DOCK4: variants seen among roughly 807,000 people sequenced by gnomAD.
The protein encoded by DOCK4 is dedicator of cytokinesis protein 4.
In DOCK4, 97 loss-of-function variants were observed where a neutral mutation model predicts 268.1. The ratio of observed to expected loss-of-function variants is 0.36; its 90% CI spans 0.31 to 0.43. The LOEUF is 0.43. Among genes scored for constraint, DOCK4 ranks in the 20% least tolerant of loss-of-function variants. DOCK4 has a pLI of 1.00. For missense variants in DOCK4, 2,145 were observed against 2,455.7 expected (o/e 0.87, Z 2.67); for synonymous variants, 954 against 887.2 (o/e 1.08, Z -1.34).
intron 1 of DOCK4, among the ~76,000 whole-genome samples, chr7:112,048,806 C>T (rs559521892): frequency 6.6e-6 from 1 of 151,540 alleles, no homozygotes; most frequent in African/African-American, 2.4e-5. Context: ...CCAGGATACA[C>T]GTGCAGGACA....
chr7:111,920,272 G>A (rs1182125592), intron 12 of DOCK4, among the ~76,000 whole-genome samples: 1 of 152,210 alleles, frequency 6.6e-6, no homozygotes, highest in East Asian at 1.9e-4. Flanking sequence ...CTTAAAAATC[G>A]CTAAGAGAGT....
chr7:111,767,193 A>C, intron 37 of DOCK4, 75 bp from the exon 38 acceptor site: 1 of 1,041,172 alleles, frequency 9.6e-7, no homozygotes, highest in South Asian at 1.3e-5. Context: ...TCAGAACATG[A>C]GTGCTTTCAG....
intron 6 of DOCK4, among the ~76,000 whole-genome samples, chr7:111,987,682 C>T (rs573100560): frequency 6.9e-4 from 105 of 152,266 alleles, no homozygotes; most frequent in Non-Finnish European, 1.4e-3. Flanking sequence ...GAGCTGAAAG[C>T]GCCCTTGTGC....
intron 52 of DOCK4, among the ~76,000 whole-genome samples, chr7:111,731,228 C>T (rs1033003071): frequency 6.6e-6 from 1 of 152,206 alleles, no homozygotes. Context: ...GGGAATCACA[C>T]TTCTTTCAAT....
intron 4 of DOCK4, 122 bp downstream of exon 4, chr7:111,998,326 C>T (rs1430717052): frequency 1.3e-6 from 1 of 767,572 alleles, no homozygotes; most frequent in East Asian, 2.9e-5. Flanking sequence ...TAACAAAGAA[C>T]ACAGACAATG....
chr7:111,949,350 T>C (rs1425769487), intron 8 of DOCK4, among the ~76,000 whole-genome samples: 1 of 152,204 alleles, frequency 6.6e-6, no homozygotes, highest in African/African-American at 2.4e-5. Context: ...TCTGTACATT[T>C]CATCAAAATT....
intron 40 of DOCK4, among the ~76,000 whole-genome samples, chr7:111,759,665 A>G (rs1797254748): frequency 6.6e-6 from 1 of 151,952 alleles, no homozygotes; most frequent in Non-Finnish European, 1.5e-5. Context: ...TGTTTAGACA[A>G]TAAGAGCATG....
intron 15 of DOCK4, among the ~76,000 whole-genome samples, chr7:111,899,417 T>C (rs1364714903): frequency 6.6e-6 from 1 of 152,124 alleles, no homozygotes; most frequent in Admixed American, 6.5e-5. Flanking sequence ...CTGGTCACAA[T>C]GTACACTGGC....
In DOCK4 at chr7:111,739,442, G is replaced by C; in HGVS notation, c.5076C>G (p.His1692Gln). Residue 1692 changes from histidine to glutamine, a missense_variant, in exon 48 of 53, where the codon CAC (histidine) becomes CAG (glutamine). Physicochemically the swap from His to Gln is conservative, Grantham distance 24. Around this residue, in one of 2 missense-constraint regions of DOCK4, gnomAD observed 547 missense variants for 469.0 expected, o/e 1.17. Transcript: ENST00000428084. ...SPSTSSLSST[H>Q]SASPNVTSSA... ...AACTTGTCACATTAGGTGAAGCCGA[G>C]TGAGTAGAACTCAAGCTTGAGGTAG... The C allele has an allele frequency of 6.3e-7, 1 of 1,576,106 alleles. No individual in the cohort carries two copies. The highest frequency in any genetic ancestry group is 1.9e-5 in the Admixed American group (1 of 53,878).
At chr7:111,809,110 G>C (rs114896563) in intron 29 of DOCK4, among the ~76,000 whole-genome samples, 191 bp downstream of exon 29, 1 of 152,148 alleles carries the variant, frequency 6.6e-6, no homozygotes, top group Non-Finnish European at 1.5e-5. Flanking sequence ...AATCCTGAAA[G>C]AGCCAGGTCA....
At chr7:112,006,925 T>C (rs928095410) in intron 1 of DOCK4, among the ~76,000 whole-genome samples, 1 of 152,228 alleles carries the variant, frequency 6.6e-6, no homozygotes, top group African/African-American at 2.4e-5. Flanking sequence ...TGCCCTATGC[T>C]CAGCCACACA....
intron 30 of DOCK4, among the ~76,000 whole-genome samples, chr7:111,794,392 G>A (rs367802247): frequency 3.9e-5 from 6 of 152,214 alleles, no homozygotes; most frequent in South Asian, 4.2e-4. Flanking sequence ...TGATAAACAG[G>A]GTGAATGAAA....
chr7:112,035,013 G>T (rs1803626351), intron 1 of DOCK4, among the ~76,000 whole-genome samples: 1 of 152,160 alleles, frequency 6.6e-6, no homozygotes, highest in African/African-American at 2.4e-5. Flanking sequence ...GACTTTGCAT[G>T]CTTCATCTAG....
In DOCK4 at chr7:111,984,335, C is replaced by T. The variant is rs768787995; in HGVS notation, c.520G>A (p.Asp174Asn). Residue 174 changes from aspartate (D) to asparagine (N), a missense_variant, in exon 7 of 53, where the codon GAC becomes AAC. Coordinates refer to ENST00000428084, the MANE Select transcript of DOCK4 (RefSeq NM_001363540.2). Reference protein sequence around the residue: ...RKEYAMVDPEDISITELYRLM... With the variant: ...RKEYAMVDPENISITELYRLM... ...CGGTAGAGCTCAGTAATGCTGATGT[C>T]TTCCGGATCCACCATTGCGTACTCT... 6.2e-7 allele frequency: 1 copy of T among 1,613,270 alleles called. No homozygotes were observed. The highest frequency in any genetic ancestry group is 1.1e-5 in the South Asian group (1 of 90,860).
At chr7:112,123,120 G>A (rs78255473) in intron 1 of DOCK4, among the ~76,000 whole-genome samples, 17 of 152,360 alleles carry the variant, frequency 1.1e-4, no homozygotes, top group African/African-American at 2.4e-4. Flanking sequence ...AAGGGATTGC[G>A]AGGGAGAATG....
At chr7:111,876,153 C>T (rs1262738730) in intron 17 of DOCK4, among the ~76,000 whole-genome samples, 1 of 152,124 alleles carries the variant, frequency 6.6e-6, no homozygotes, top group Non-Finnish European at 1.5e-5. Flanking sequence ...AAATTAACTA[C>T]TGAATGCTGA....
intron 4 of DOCK4, among the ~76,000 whole-genome samples, chr7:111,996,697 G>A (rs1799987480): frequency 1.3e-5 from 2 of 152,116 alleles, no homozygotes; most frequent in South Asian, 4.1e-4. Flanking sequence ...GACCCCATAA[G>A]AAAGTCTTAA....
intron 1 of DOCK4, among the ~76,000 whole-genome samples, chr7:112,096,987 T>C (rs1283191625): frequency 6.6e-6 from 1 of 151,952 alleles, no homozygotes; most frequent in Non-Finnish European, 1.5e-5. Context: ...ACAGAATAAA[T>C]GGAATGCGTA....
At chr7:111,949,680 A>G (rs931849934) in intron 8 of DOCK4, among the ~76,000 whole-genome samples, 10 of 152,030 alleles carry the variant, frequency 6.6e-5, no homozygotes, top group Non-Finnish European at 5.9e-5. Flanking sequence ...CAATAAAAAA[A>G]ATTCTTTTTA....
Sources: allele counts gnomAD v4.1 joint callset (sites outside exome capture counted in the v4.1 genomes callset), GRCh38; gene constraint gnomAD v4.1.1; regional missense constraint gnomAD v4.1.1; transcripts MANE v1.5; gene names NCBI Gene and HGNC (gene_info 2026-07-23, HGNC 2026-07-21).